Variants in TST observed in about 807,000 individuals in gnomAD.
TST encodes the protein thiosulfate sulfurtransferase.
A neutral mutation model predicts 20.4 loss-of-function variants in TST; 22 were observed. The observed-to-expected ratio is 1.08, with a 90% CI of 0.77 to 1.54. The LOEUF is 1.54. TST is among the 40% of genes most tolerant of loss of function. TST has a pLI of 0.00. For missense variants in TST, 392 were observed against 405.2 expected (o/e 0.97, Z 0.28); for synonymous variants, 187 against 173.8 (o/e 1.08, Z -0.60).
In TST at chr22:37,018,169, G is replaced by T; in HGVS notation, c.564C>A (p.Phe188Leu). The T allele has an allele frequency of 1.3e-6, 2 of 1,577,064 alleles. No homozygotes were observed. Among genetic ancestry groups the T allele is most frequent in the South Asian group, 1.2e-5 (1 of 86,178 alleles). ...CATCCGGCTCCGGCTCGGTGCCCAG[G>T]AACCGCCCTTGAGACCTTGAATCCA... ...QLVDSRSQGR[F>L]LGTEPEPDAV... The change falls in exon 2 of 3, where the codon TTC (phenylalanine) becomes TTA (leucine). Residue 188 changes from phenylalanine to leucine, a missense_variant. Coordinates refer to ENST00000249042, the MANE Select transcript of TST (RefSeq NM_003312.6).
upstream of TST, chr22:37,019,819 C>T: frequency 8.4e-7 from 1 of 1,184,504 alleles, no homozygotes; most frequent in Non-Finnish European, 1.1e-6. Context: ...GGGGAGGGGG[C>T]GCCGCGCCGC....
intron 2 of TST, 98 bp downstream of exon 2, chr22:37,018,040 G>A: frequency 1.1e-6 from 1 of 900,244 alleles, no homozygotes; most frequent in Non-Finnish European, 1.6e-6. Flanking sequence ...AGGATTGAAG[G>A]CATGGGACGG....
upstream of TST, chr22:37,020,063 G>A: frequency 2.6e-6 from 1 of 390,202 alleles, no homozygotes; most frequent in Non-Finnish European, 4.5e-6. Context: ...GGGTCGTGGC[G>A]AGTGGCGGGT....
rs779282581 is a variant in TST, at chr22:37,011,073, G to A, written c.848C>T (p.Ala283Val). The A allele has an allele frequency of 6.2e-7, 1 of 1,612,202 alleles. No individual in the cohort carries two copies. The highest frequency in any genetic ancestry group is 1.1e-5 in the South Asian group (1 of 91,010). The change falls in exon 3 of 3, where the codon GCC (alanine) becomes GTC (valine). Residue 283 changes from alanine to valine, a missense_variant. By Grantham distance (64) the Ala-to-Val change is moderately conservative. Transcript: ENST00000249042. The stretch of plus-strand genomic sequence containing the variant: ...CTGGGACACACGGCTCTCTGGGGGG[G>A]CCCGGCGAAACCACTCGGACCAGGA... Reference protein sequence around the residue: ...DGSWSEWFRRAPPESRVSQGK... With the variant: ...DGSWSEWFRRVPPESRVSQGK...
At chr22:37,018,108 C>T (rs762297245) in intron 2 of TST, 30 bp downstream of exon 2, 7 of 1,496,090 alleles carry the variant, frequency 4.7e-6, no homozygotes, top group Non-Finnish European at 6.3e-6. Flanking sequence ...GCAATACTCC[C>T]CAGGGACCAC....
rs114619586 is a variant in TST, at chr22:37,018,760, C to T, written c.-21-7G>A. ...CTTCAGCTCTGCGTGTCACCTGGCA[C>T]GGGTGGGAACCAGGAAAGAGAGACA... On this transcript the variant is annotated splice_region_variant and splice_polypyrimidine_tract_variant and intron_variant, in intron 1 of 2. Coordinates refer to ENST00000249042, the MANE Select transcript of TST (RefSeq NM_003312.6). The T allele has an allele frequency of 7.5e-3, 10,913 of 1,448,502 alleles. 671 individuals carry two copies. In the African/African-American group the frequency reaches 0.14, roughly 18 times the overall value. The allele number at this position is 1,448,502 out of a possible 1,614,324, so 89.7% of individuals were successfully genotyped here.
At chr22:37,014,641 T>A (rs1354955502) in intron 2 of TST, among the ~76,000 whole-genome samples, 1 of 152,174 alleles carries the variant, frequency 6.6e-6, no homozygotes, top group East Asian at 1.9e-4. Flanking sequence ...AGAGGTGATG[T>A]CGCTTGCCTC....
At chr22:37,019,983 T>C, upstream of TST, 1 of 519,122 alleles carries the variant, frequency 1.9e-6, no homozygotes, top group Non-Finnish European at 3.0e-6. Context: ...GGGGGCTTAG[T>C]CTAGGAGAGA....
intron 2 of TST, 72 bp downstream of exon 2, chr22:37,018,066 C>T (rs1372255593): frequency 5.8e-6 from 7 of 1,206,790 alleles, no homozygotes; most frequent in Non-Finnish European, 7.9e-6. Context: ...GGAGAGGGTC[C>T]CAGTCATCCT....
Position 37,018,673 on chromosome 22 carries a change from GA to G in TST, c.59del (p.Ile20ThrfsTer42). The G allele has an allele frequency of 1.3e-6, 2 of 1,540,604 alleles. No homozygotes were observed. Among genetic ancestry groups the G allele is most frequent in the Non-Finnish European group, 1.7e-6 (2 of 1,145,074 alleles). On this transcript the variant is annotated frameshift_variant, in exon 2 of 3. Coordinates refer to ENST00000249042, the MANE Select transcript of TST (RefSeq NM_003312.6). LOFTEE classifies it high-confidence loss of function. ...GGCCGGGCCCCAGCTTGCCAGTCCT[GA>G]TGGACTCCGCCAGCCACTTGGTGGA... is the stretch of plus-strand genomic sequence containing the variant. Reference protein sequence around the residue: ...LVSTKWLAESIRTGKLGPGLR... With the variant: ...LVSTKWLAESXRTGKLGPGLR...
intron 2 of TST, among the ~76,000 whole-genome samples, chr22:37,014,503 G>GC (rs1922603992): frequency 6.6e-6 from 1 of 152,356 alleles, no homozygotes; most frequent in East Asian, 1.9e-4. Flanking sequence ...CAGCAGGCAT[G>GC]CCCCCATTCC....
upstream of TST, chr22:37,019,684 G>T: frequency 5.4e-6 from 2 of 369,642 alleles, no homozygotes; most frequent in Admixed American, 4.7e-5. Flanking sequence ...GTACCCCCAC[G>T]GCCCGGCCAG....
At chr22:37,018,964 G>T in intron 1 of TST, 2 of 448,526 alleles carry the variant, frequency 4.5e-6, no homozygotes, top group Admixed American at 3.9e-5. Flanking sequence ...CGGCCCGGGG[G>T]CCCAGCGCAG....
upstream of TST, chr22:37,019,566 G>T (rs1922886994): frequency 6.3e-6 from 1 of 158,372 alleles, no homozygotes; most frequent in East Asian, 1.8e-4. Flanking sequence ...GCCGCTTCGC[G>T]CCCGGCACCT....
intron 2 of TST, among the ~76,000 whole-genome samples, chr22:37,012,025 G>A (rs1922496908): frequency 6.6e-6 from 1 of 152,198 alleles, no homozygotes; most frequent in South Asian, 2.1e-4. Context: ...AATCCCACTG[G>A]AGCAAGTTAT....
At chr22:37,019,901 T>G, upstream of TST, 1 of 1,163,466 alleles carries the variant, frequency 8.6e-7, no homozygotes, top group Admixed American at 4.3e-5. Context: ...CGGCTTGCCT[T>G]TCTGGAGGGG....
rs758924036 is a variant in TST, at chr22:37,018,313, C to T, written c.420G>A (p.Pro140=). Residue 140 remains proline, a synonymous_variant, in exon 2 of 3, where the codon CCG becomes CCA. Coordinates refer to ENST00000249042, the MANE Select transcript of TST (RefSeq NM_003312.6). ...GFRNWLKEGH[P]VTSEPSRPEP... ...CTGGGCGTGAGGGCTCGGATGTCACCGGGTGGCCCTCCTTCAGCCAGTTCC... is the reference window on the plus strand; with the variant it reads ...CTGGGCGTGAGGGCTCGGATGTCACTGGGTGGCCCTCCTTCAGCCAGTTCC... The T allele has an allele frequency of 2.5e-6, 4 of 1,614,014 alleles. No homozygotes were observed. Among genetic ancestry groups the T allele is most frequent in the African/African-American group, 1.3e-5 (1 of 75,038 alleles).
At chr22:37,011,766 GAC>G (rs564581447) in intron 2 of TST, among the ~76,000 whole-genome samples, 34 of 152,344 alleles carry the variant, frequency 2.2e-4, no homozygotes, top group African/African-American at 7.9e-4. Flanking sequence ...GAAAGGCAGA[GAC>G]ACAGCCAGGC....
upstream of TST, chr22:37,020,134 G>A (rs1922962139): frequency 2.6e-6 from 1 of 381,884 alleles, no homozygotes; most frequent in Non-Finnish European, 4.6e-6. Context: ...GGAGAGAGAG[G>A]AGGACAGGGA....
Sources: allele counts gnomAD v4.1 joint callset (sites outside exome capture counted in the v4.1 genomes callset), GRCh38; gene constraint gnomAD v4.1.1; transcripts MANE v1.5; gene names NCBI Gene and HGNC (gene_info 2026-07-23, HGNC 2026-07-21).